The following KCNQ5 variants were observed in gnomAD, a reference collection of about 807,000 sequenced individuals.
The protein encoded by KCNQ5 is potassium voltage-gated channel subfamily KQT member 5.
KCNQ5 carries 30 observed loss-of-function variants against 98.2 expected under a neutral mutation model. The observed-to-expected ratio is 0.31, with a 90% confidence interval of 0.23 to 0.41. The LOEUF is 0.41. KCNQ5 is among the 10% of genes least tolerant of loss of function. KCNQ5 has a pLI of 1.00. For missense variants in KCNQ5, 835 were observed against 1,182.5 expected, an observed-to-expected ratio of 0.71 and a Z score of 4.31; for synonymous variants, 458 against 449.4, an observed-to-expected ratio of 1.02 and a Z score of -0.24.
intron 1 of KCNQ5, among the ~76,000 whole-genome samples, chr6:72,843,201 G>A (rs979988125): frequency 8.5e-5 from 13 of 152,150 alleles, no homozygotes; most frequent in African/African-American, 3.1e-4. Context: ...TTCTGCATAT[G>A]GCTAGCCAGT....
chr6:73,085,988 A>G (rs1371382259), intron 5 of KCNQ5, among the ~76,000 whole-genome samples: 2 of 152,230 alleles, frequency 1.3e-5, no homozygotes, highest in Non-Finnish European at 2.9e-5. Context: ...AAAGTATAGT[A>G]GATTAATATC....
intron 1 of KCNQ5, among the ~76,000 whole-genome samples, chr6:72,783,591 A>G (rs562197911): frequency 6.6e-6 from 1 of 152,224 alleles, no homozygotes; most frequent in African/African-American, 2.4e-5. Context: ...TATTTCACCC[A>G]AAATATCCTA....
In KCNQ5 at chr6:72,669,081, G is replaced by A. The variant is rs146511215; in HGVS notation, c.398+46494G>A. 1.2e-3 allele frequency among the ~76,000 whole-genome samples: 185 copies of A among 151,700 alleles called. 5 individuals carry two copies. The East Asian group carries it at 0.018, about 15-fold the overall frequency. On this transcript the variant is annotated intron_variant, in intron 1 of 13. Coordinates refer to ENST00000370398, the MANE Select transcript of KCNQ5 (RefSeq NM_019842.4). ...CAAAATGCATTCATTCCATCCTATC[G>A]CCCCAAAAGTCTTAATGCATCAAGC... is the stretch of plus-strand genomic sequence containing the variant.
chr6:72,688,672 T>A (rs1768069935), intron 1 of KCNQ5, among the ~76,000 whole-genome samples: 1 of 152,142 alleles, frequency 6.6e-6, no homozygotes, highest in Non-Finnish European at 1.5e-5. Flanking sequence ...GGTCATACAT[T>A]AAAAAAATAC....
At chr6:73,092,890 T>G (rs536265586) in intron 5 of KCNQ5, among the ~76,000 whole-genome samples, 1 of 152,170 alleles carries the variant, frequency 6.6e-6, no homozygotes, top group Non-Finnish European at 1.5e-5. Flanking sequence ...ATTATGTCCT[T>G]TCCTGGTTTT....
chr6:72,722,964 C>T (rs926506059), intron 1 of KCNQ5, among the ~76,000 whole-genome samples: 5 of 151,520 alleles, frequency 3.3e-5, no homozygotes, highest in African/African-American at 1.2e-4. Context: ...ATCCTCCCGC[C>T]TCAGCTTCCC....
At chr6:72,653,911 C>T (rs1766002735) in intron 1 of KCNQ5, among the ~76,000 whole-genome samples, 1 of 151,930 alleles carries the variant, frequency 6.6e-6, no homozygotes, top group Admixed American at 6.6e-5. Context: ...ACTGTTTACT[C>T]ATCTGTAAAA....
intron 1 of KCNQ5, among the ~76,000 whole-genome samples, chr6:72,896,024 A>G (rs975104457): frequency 2.6e-5 from 4 of 152,196 alleles, no homozygotes; most frequent in Admixed American, 1.3e-4. Context: ...ACAAAACTTA[A>G]TAGTCTCAAA....
intron 1 of KCNQ5, among the ~76,000 whole-genome samples, chr6:72,804,383 G>A (rs1203567653): frequency 6.8e-6 from 1 of 147,780 alleles, no homozygotes; most frequent in Non-Finnish European, 1.5e-5. Context: ...AAGTTCAATT[G>A]TTTTGATTTT....
At chr6:73,181,422 AG>A (rs1778400097) in intron 11 of KCNQ5, among the ~76,000 whole-genome samples, 1 of 151,982 alleles carries the variant, frequency 6.6e-6, no homozygotes, top group Non-Finnish European at 1.5e-5. Context: ...GGTCCTCCAA[AG>A]GGCTCGTCAT....
Position 72,804,929 on chromosome 6 carries a change from C to T in KCNQ5, c.398+182342C>T, listed in dbSNP as rs182766638. Among the ~76,000 whole-genome samples, 9 of 152,124 alleles carry T rather than the reference C, an allele frequency of 5.9e-5. 1 individual carries two copies. In the East Asian group the frequency reaches 1.7e-3, roughly 29 times the overall value. On this transcript the variant is annotated intron_variant, in intron 1 of 13. Coordinates refer to ENST00000370398, the MANE Select transcript of KCNQ5 (RefSeq NM_019842.4). ...CTCTAATAACCAGTGATTTGAACAC[C>T]TTTTTCATATACCTGTTTGCAATTT...
chr6:72,941,313 C>T (rs376573805), intron 1 of KCNQ5, among the ~76,000 whole-genome samples: 109 of 110,484 alleles, frequency 9.9e-4, no homozygotes, highest in African/African-American at 2.6e-3. Context: ...TCCTTCCTTC[C>T]TTCCTTCTTT....
chr6:72,787,914 T>A (rs140750787), intron 1 of KCNQ5, among the ~76,000 whole-genome samples: 21 of 152,376 alleles, frequency 1.4e-4, no homozygotes, highest in Non-Finnish European at 2.4e-4. Context: ...AGTCACTATG[T>A]GCTGCTTTAA....
chr6:72,832,310 A>C (rs1402024614), intron 1 of KCNQ5, among the ~76,000 whole-genome samples: 1 of 152,122 alleles, frequency 6.6e-6, no homozygotes, highest in Non-Finnish European at 1.5e-5. Context: ...TTTTACCTAA[A>C]TTTTAATGAT....
At chr6:72,734,989 G>A (rs1478208286) in intron 1 of KCNQ5, among the ~76,000 whole-genome samples, 1 of 152,120 alleles carries the variant, frequency 6.6e-6, no homozygotes, top group Admixed American at 6.6e-5. Flanking sequence ...TACAAATTCT[G>A]TAACTCAGTC....
At chr6:72,747,848 A>G (rs551091177) in intron 1 of KCNQ5, among the ~76,000 whole-genome samples, 12 of 152,160 alleles carry the variant, frequency 7.9e-5, no homozygotes, top group Non-Finnish European at 1.5e-4. Context: ...TTAAATTGGT[A>G]AAGCAAGATC....
chr6:72,834,164 T>C (rs1776405840), intron 1 of KCNQ5, among the ~76,000 whole-genome samples: 1 of 151,898 alleles, frequency 6.6e-6, no homozygotes, highest in South Asian at 2.1e-4. Context: ...ATTTTGGGGG[T>C]GGATACATGA....
At chr6:72,962,714 G>A (rs550411855) in intron 1 of KCNQ5, among the ~76,000 whole-genome samples, 216 of 152,254 alleles carry the variant, frequency 1.4e-3, no homozygotes, top group African/African-American at 5.1e-3. Flanking sequence ...AAAAAGTGGA[G>A]CCAGAGAGAC....
intron 5 of KCNQ5, among the ~76,000 whole-genome samples, chr6:73,088,767 A>G (rs1417805463): frequency 6.6e-6 from 1 of 152,168 alleles, no homozygotes; most frequent in East Asian, 1.9e-4. Flanking sequence ...TTTTCATTAT[A>G]ATGCTTTTAT....
Sources: gnomAD v4.1 joint callset for allele counts (sites outside exome capture counted in the v4.1 genomes callset) on GRCh38, gnomAD v4.1.1 for gene constraint, MANE v1.5 for transcripts, NCBI Gene and HGNC (gene_info 2026-07-23, HGNC 2026-07-21) for gene names.